AXIN2: variants seen among roughly 807,000 people sequenced by gnomAD.
AXIN2 encodes the protein axin-2.
Under a neutral mutation model 74.7 loss-of-function variants are expected in AXIN2, and 21 were observed. That is an observed-to-expected ratio of 0.28 (90% CI 0.20 to 0.40). The LOEUF is 0.40. Ranked by LOEUF, AXIN2 falls within the 10% of genes least tolerant of loss-of-function variation. AXIN2 has a pLI of 1.00. For synonymous variants in AXIN2, 532 were observed against 454.9 expected (o/e 1.17, Z -2.16); for missense variants, 1,144 against 1,111.1 (o/e 1.03, Z -0.42).
At chr17:65,559,795 C>T (rs538908518) in intron 1 of AXIN2, among the ~76,000 whole-genome samples, 20 of 152,354 alleles carry the variant, frequency 1.3e-4, no homozygotes, top group African/African-American at 4.3e-4. Flanking sequence ...CGGGGTGCAA[C>T]CCCGGGCGAG....
chr17:65,549,748 A>AG, intron 2 of AXIN2, 88 bp from the exon 3 acceptor site: 1 of 1,500,552 alleles, frequency 6.7e-7, no homozygotes, highest in South Asian at 1.2e-5. Context: ...CCAGCACACT[A>AG]TCCCACAATC....
chr17:65,550,453 C>A (rs1420986455), intron 2 of AXIN2, among the ~76,000 whole-genome samples: 1 of 152,222 alleles, frequency 6.6e-6, no homozygotes, highest in African/African-American at 2.4e-5. Flanking sequence ...CTCCTGATCT[C>A]CTTCCAGAAC....
intron 2 of AXIN2, among the ~76,000 whole-genome samples, chr17:65,555,518 T>C (rs2044254277): frequency 6.6e-6 from 1 of 151,978 alleles, no homozygotes; most frequent in Non-Finnish European, 1.5e-5. Context: ...CCCAACCTGG[T>C]TGTCCTATTT....
rs527766429 is a variant in AXIN2 at position 65,529,987 on chromosome 17, G to C, written c.2521C>G (p.Arg841Gly). The change falls in exon 11 of 11, where the codon CGG becomes GGG. Residue 841 changes from arginine (R) to glycine (G), a missense_variant. By Grantham distance (125) the Arg-to-Gly change is moderately radical. Transcript: ENST00000307078. The part of the protein sequence containing the change: ...YEGRILGKVE[R>G]ID The stretch of plus-strand genomic sequence containing the variant: ...CCAGACCCCAGGGCTCAATCGATCC[G>C]CTCCACTTTGCCCAGAATCCGGCCT... 1.2e-6 allele frequency: 2 copies of C among 1,614,104 alleles called. No individual in the cohort carries two copies. Among genetic ancestry groups the C allele is most frequent in the Non-Finnish European group, 1.7e-6 (2 of 1,180,020 alleles).
chr17:65,544,642 C>G (rs1481092602), intron 3 of AXIN2, among the ~76,000 whole-genome samples: 1 of 152,174 alleles, frequency 6.6e-6, no homozygotes, highest in Non-Finnish European at 1.5e-5. Flanking sequence ...CCTGGCTGCT[C>G]AAGCCTGTGG....
chr17:65,543,803 T>C (rs1224725700), intron 3 of AXIN2, among the ~76,000 whole-genome samples: 1 of 152,150 alleles, frequency 6.6e-6, no homozygotes, highest in African/African-American at 2.4e-5. Context: ...AGGGGGAAAT[T>C]TGTGGAATTT....
chr17:65,553,659 C>G (rs2044224634), intron 2 of AXIN2, among the ~76,000 whole-genome samples: 1 of 152,132 alleles, frequency 6.6e-6, no homozygotes, highest in Admixed American at 6.5e-5. Context: ...CTGCTCTTAA[C>G]TCAGTTGACT....
Position 65,558,735 on chromosome 17 carries a change from C to T in AXIN2, c.-115G>A, listed in dbSNP as rs1598120722. 1 of 1,096,782 alleles carries T rather than the reference C, an allele frequency of 9.1e-7. No individual in the cohort carries two copies. The highest frequency in any genetic ancestry group is 1.3e-6 in the Non-Finnish European group (1 of 748,284). The allele number at this position is 1,096,782 out of a possible 1,614,324, so 67.9% of individuals were successfully genotyped here. Reference sequence around the variant, plus strand: ...CAGCAGGGGCTCATCTGAACCTCCTCTCTGGAAAGAAAAGGAAGGGGGGAG... The same window carrying T: ...CAGCAGGGGCTCATCTGAACCTCCTTTCTGGAAAGAAAAGGAAGGGGGGAG... On this transcript the variant is annotated splice_region_variant and 5_prime_UTR_variant, in exon 2 of 11. Transcript: ENST00000307078.
At position 65,537,371 on chromosome 17, in the gene AXIN2, G is replaced by A. The variant is rs562421443; in HGVS notation, c.1665C>T (p.Cys555=). Residue 555 remains cysteine, a synonymous_variant, in exon 6 of 11, where the codon TGC becomes TGT. Transcript: ENST00000307078. ...GGSEYYCYSK[C]KSHSKAPETM... ...TTTCCGGAGCCTTGGAGTGGCTTTT[G>A]CATTTCGAGTAGCAGTAATACTCGC... The A allele has an allele frequency of 6.2e-6, 10 of 1,613,714 alleles. No homozygotes were observed. Among genetic ancestry groups the A allele is most frequent in the African/African-American group, 4.0e-5 (3 of 74,898 alleles).
Position 65,557,793 on chromosome 17 carries a change from G to A in AXIN2, c.815+13C>T, listed in dbSNP as rs955447373. On this transcript the variant is annotated intron_variant, in intron 2 of 10. Coordinates refer to ENST00000307078, the MANE Select transcript of AXIN2 (RefSeq NM_004655.4). ...CCACAGCATCAGCCCACCCGCCCCCGTCAAAGTCTTACCTGTATCCACTGT... is the reference window on the plus strand; with the variant it reads ...CCACAGCATCAGCCCACCCGCCCCCATCAAAGTCTTACCTGTATCCACTGT... The A allele has an allele frequency of 6.2e-7, 1 of 1,613,684 alleles. No homozygotes were observed. The highest frequency in any genetic ancestry group is 8.5e-7 in the Non-Finnish European group (1 of 1,179,660).
chr17:65,546,318 G>A (rs549612878), intron 3 of AXIN2, among the ~76,000 whole-genome samples: 27 of 152,236 alleles, frequency 1.8e-4, no homozygotes, highest in South Asian at 4.1e-4. Flanking sequence ...TTTCTCGCCC[G>A]GCGCTCTCAT....
intron 4 of AXIN2, 46 bp downstream of exon 4, chr17:65,541,409 C>T (rs1442382807): frequency 2.6e-6 from 4 of 1,539,280 alleles, no homozygotes; most frequent in Non-Finnish European, 3.6e-6. Context: ...CTTTAGGACT[C>T]AACATGGCAG....
In AXIN2 at chr17:65,529,777, C is replaced by T; in HGVS notation, c.*199G>A. On this transcript the variant is annotated 3_prime_UTR_variant, in exon 11 of 11. Coordinates refer to ENST00000307078, the MANE Select transcript of AXIN2 (RefSeq NM_004655.4). Reference sequence around the variant, plus strand: ...TAAATAGTTCAGGCTTTTCTTATCTCAGTCAGTACCCAGCTCATGAATCAT... The same window carrying T: ...TAAATAGTTCAGGCTTTTCTTATCTTAGTCAGTACCCAGCTCATGAATCAT... 1 of 755,016 alleles carries T rather than the reference C, an allele frequency of 1.3e-6. No homozygotes were observed. The highest frequency in any genetic ancestry group is 2.8e-5 in the East Asian group (1 of 35,924). The allele number at this position is 755,016 out of a possible 1,614,324, so 46.8% of individuals were successfully genotyped here.
intron 3 of AXIN2, among the ~76,000 whole-genome samples, chr17:65,547,659 G>A (rs761213802): frequency 1.9e-4 from 29 of 152,208 alleles, no homozygotes; most frequent in Non-Finnish European, 2.2e-4. Flanking sequence ...ATCGTCTGAC[G>A]TAAACTGCAT....
At chr17:65,531,617 CA>C (rs1444366093) in intron 10 of AXIN2, among the ~76,000 whole-genome samples, 1 of 152,130 alleles carries the variant, frequency 6.6e-6, no homozygotes, top group Non-Finnish European at 1.5e-5. Context: ...CATGTCTGAG[CA>C]AACACGCAGC....
Position 65,535,504 on chromosome 17 carries a change from G to A in AXIN2, c.2237+122C>T, listed in dbSNP as rs1039801806. 15 of 907,078 alleles carry A rather than the reference G, an allele frequency of 1.7e-5. No individual in the cohort carries two copies. The Admixed American group carries it at 1.8e-4, about 11-fold the overall frequency. 56.2% of individuals were successfully genotyped at this position (907,078 alleles called of 1,614,324 possible). ...ACGTTTACTGTTCCTCATCACTAGC[G>A]CTAAAATCAAAGTGATTTTAAAAAC... is the stretch of plus-strand genomic sequence containing the variant. On this transcript the variant is annotated intron_variant, in intron 9 of 10. Transcript: ENST00000307078.
intron 8 of AXIN2, 101 bp from the exon 9 acceptor site, chr17:65,535,822 C>T: frequency 9.4e-7 from 1 of 1,067,120 alleles, no homozygotes; most frequent in Non-Finnish European, 1.4e-6. Context: ...TGAAGAGACA[C>T]GAACCCGACT....
chr17:65,535,325 A>T (rs1335928346), intron 9 of AXIN2, among the ~76,000 whole-genome samples: 1 of 152,188 alleles, frequency 6.6e-6, no homozygotes, highest in Non-Finnish European at 1.5e-5. Context: ...AGTACTACTA[A>T]ATTGCAAGTT....
intron 5 of AXIN2, 72 bp from the exon 6 acceptor site, chr17:65,537,907 T>A: frequency 6.8e-7 from 1 of 1,479,740 alleles, no homozygotes; most frequent in Non-Finnish European, 9.0e-7. Flanking sequence ...GGTTGCAACA[T>A]TCGGCTCCCT....
Sources: gnomAD v4.1 joint callset for allele counts (sites outside exome capture counted in the v4.1 genomes callset) on GRCh38, gnomAD v4.1.1 for gene constraint, MANE v1.5 for transcripts, NCBI Gene and HGNC (gene_info 2026-07-23, HGNC 2026-07-21) for gene names.